Variants in MIS18BP1 observed in about 807,000 individuals in gnomAD.
The protein encoded by MIS18BP1 is mis18-binding protein 1.
In MIS18BP1, 72 loss-of-function variants were observed where a neutral mutation model predicts 116.1. The ratio of observed to expected loss-of-function variants is 0.62; its 90% CI spans 0.51 to 0.75. The LOEUF (loss-of-function observed/expected upper bound fraction) is 0.75, where lower values mean the gene tolerates loss of function less well. Among genes scored for constraint, MIS18BP1 ranks in the 30% least tolerant of loss-of-function variants. The pLI is 0.00. For missense variants in MIS18BP1, 1,363 were observed against 1,303.2 expected (o/e 1.05, Z -0.71); for synonymous variants, 386 against 427.0 (o/e 0.90, Z 1.18).
chr14:45,249,822 G>A (rs1325649256), intron 1 of MIS18BP1, among the ~76,000 whole-genome samples: 2 of 152,158 alleles, frequency 1.3e-5, no homozygotes, highest in Non-Finnish European at 2.9e-5. Flanking sequence ...AGTGAGCTGA[G>A]ATCGCACCAC....
intron 11 of MIS18BP1, among the ~76,000 whole-genome samples, chr14:45,219,556 TTAAA>T (rs1890916517): frequency 6.6e-6 from 1 of 152,240 alleles, no homozygotes; most frequent in Admixed American, 6.5e-5. Flanking sequence ...TATCTTTGTT[TTAAA>T]TAATTTAAGT....
At chr14:45,239,066 C>G (rs904804296) in intron 4 of MIS18BP1, among the ~76,000 whole-genome samples, 1 of 152,132 alleles carries the variant, frequency 6.6e-6, no homozygotes, top group African/African-American at 2.4e-5. Context: ...ATCAACGCAC[C>G]AGTCAGATGG....
intron 11 of MIS18BP1, among the ~76,000 whole-genome samples, chr14:45,222,507 G>A (rs930213940): frequency 6.6e-6 from 1 of 152,016 alleles, no homozygotes; most frequent in African/African-American, 2.4e-5. Flanking sequence ...TCAACCTGGT[G>A]GTATCCCAAG....
chr14:45,236,062 A>C, intron 5 of MIS18BP1, 118 bp from the exon 6 acceptor site: 2 of 935,026 alleles, frequency 2.1e-6, no homozygotes, highest in Non-Finnish European at 1.6e-6. Context: ...TAATTACAAA[A>C]TATTTGAAGG....
intron 5 of MIS18BP1, among the ~76,000 whole-genome samples, chr14:45,236,913 G>GT (rs1482625786): frequency 6.6e-6 from 1 of 151,704 alleles, no homozygotes; most frequent in Non-Finnish European, 1.5e-5. Flanking sequence ...ATCTTTAATA[G>GT]TAAGGAAATG....
At chr14:45,227,632 T>C in intron 9 of MIS18BP1, 31 bp downstream of exon 9, 1 of 1,574,728 alleles carries the variant, frequency 6.4e-7, no homozygotes. Flanking sequence ...AAATATCAAC[T>C]TGAACTATAC....
intron 7 of MIS18BP1, chr14:45,232,434 A>G (rs1566814940): frequency 2.5e-5 from 6 of 243,356 alleles, no homozygotes. Context: ...AAAAAAAAAA[A>G]AAAACAACAA....
chr14:45,240,466 A>G (rs1266015690), intron 4 of MIS18BP1, among the ~76,000 whole-genome samples: 2 of 151,552 alleles, frequency 1.3e-5, no homozygotes, highest in Non-Finnish European at 2.9e-5. Context: ...CCCTACCTAC[A>G]CGCACTCTCT....
intron 14 of MIS18BP1, among the ~76,000 whole-genome samples, chr14:45,207,885 C>G (rs1890563085): frequency 6.6e-6 from 1 of 152,096 alleles, no homozygotes; most frequent in African/African-American, 2.4e-5. Flanking sequence ...AATATAGATT[C>G]ATAACATAAG....
intron 12 of MIS18BP1, 74 bp downstream of exon 12, chr14:45,218,201 TAAATATA>T: frequency 1.4e-6 from 2 of 1,382,764 alleles, no homozygotes; most frequent in Non-Finnish European, 2.0e-6. Flanking sequence ...TATTCATGGA[TAAATATA>T]AAATATATCT....
intron 2 of MIS18BP1, among the ~76,000 whole-genome samples, chr14:45,243,818 T>C (rs748222827): frequency 5.3e-5 from 8 of 152,174 alleles, no homozygotes; most frequent in African/African-American, 7.2e-5. Flanking sequence ...CAGGTTCATG[T>C]AGACTCTCTA....
In MIS18BP1 at chr14:45,247,044, T is replaced by C; in HGVS notation, c.243A>G (p.Thr81=). ...GAGAACTGTTAGAGGTAGTAGCCTC[T>C]GTTAGCATAGTTGATTGAAATATAT... ...NKNIFQSTML[T]EATTSNSSLD... is the part of the protein sequence containing the mutation. The change falls in exon 2 of 17, where the codon ACA becomes ACG. Residue 81 remains threonine (T), a synonymous_variant. Transcript: ENST00000310806. 1 of 1,613,498 alleles carries C rather than the reference T, an allele frequency of 6.2e-7. No individual in the cohort carries two copies. The highest frequency in any genetic ancestry group is 1.1e-5 in the South Asian group (1 of 91,010).
chr14:45,203,893 C>A lies in MIS18BP1; in HGVS notation c.*216G>T. ...ATTTTAATATGCAAAAACAAATTTACAGATATCTACACGAGCAAAAACAAT... is the reference window on the plus strand; with the variant it reads ...ATTTTAATATGCAAAAACAAATTTAAAGATATCTACACGAGCAAAAACAAT... On this transcript the variant is annotated 3_prime_UTR_variant, in exon 17 of 17. Transcript: ENST00000310806. 2 of 359,232 alleles carry A rather than the reference C, an allele frequency of 5.6e-6. No individual in the cohort carries two copies. Among genetic ancestry groups the A allele is most frequent in the Non-Finnish European group, 9.2e-6 (2 of 218,468 alleles). 22.3% of individuals were successfully genotyped at this position (359,232 alleles called of 1,614,324 possible). A position where few individuals can be genotyped will look rare whatever the true frequency, so the allele number is the denominator to read the frequency against.
intron 7 of MIS18BP1, among the ~76,000 whole-genome samples, chr14:45,232,084 T>C (rs1242914489): frequency 3.9e-5 from 6 of 152,212 alleles, no homozygotes; most frequent in Non-Finnish European, 8.8e-5. Flanking sequence ...TAAAATGTTA[T>C]TGCTTCTGAA....
chr14:45,206,597 G>A (rs549356989), intron 14 of MIS18BP1, among the ~76,000 whole-genome samples: 3 of 152,240 alleles, frequency 2.0e-5, no homozygotes, highest in East Asian at 3.9e-4. Flanking sequence ...GACCTCAAAC[G>A]TATTTCCATC....
Position 45,224,508 on chromosome 14 carries a change from G to C in MIS18BP1, c.2079C>G (p.Ser693Arg), listed in dbSNP as rs1425317910. Residue 693 changes from serine (S) to arginine (R), a missense_variant, in exon 11 of 17, where the codon AGC (serine) becomes AGG (arginine). Transcript: ENST00000310806. ...TATTTTCTAAAGTCCCCATGGACTTGCTGATGGGACTTTTTTTTTGACACT... is the reference window on the plus strand; with the variant it reads ...TATTTTCTAAAGTCCCCATGGACTTCCTGATGGGACTTTTTTTTTGACACT... ...IPECQKKSPI[S>R]KSMGTLENTF... 2.5e-6 allele frequency: 4 copies of C among 1,611,528 alleles called. No individual in the cohort carries two copies. Among genetic ancestry groups the C allele is most frequent in the African/African-American group, 1.3e-5 (1 of 74,806 alleles).
intron 8 of MIS18BP1, among the ~76,000 whole-genome samples, chr14:45,229,373 G>A (rs73350257): frequency 0.041 from 6,170 of 151,870 alleles, 429 homozygotes; most frequent in African/African-American, 0.14. Flanking sequence ...GTGCAGTACT[G>A]TATGCCTGTA....
Position 45,242,488 on chromosome 14 carries a change from T to A in MIS18BP1, c.689A>T (p.Asn230Ile), listed in dbSNP as rs546009721. 1 of 1,595,104 alleles carries A rather than the reference T, an allele frequency of 6.3e-7. No individual in the cohort carries two copies. Among genetic ancestry groups the A allele is most frequent in the Non-Finnish European group, 8.5e-7 (1 of 1,174,586 alleles). Residue 230 changes from asparagine to isoleucine, a missense_variant, in exon 4 of 17, where the codon AAT becomes ATT. Asn to Ile is a moderately radical substitution (Grantham distance 149). Coordinates refer to ENST00000310806, the MANE Select transcript of MIS18BP1 (RefSeq NM_018353.5). ...ELPTLNQEQE[N>I]FLAVEARNKT... ...GTTTCGGGCTTCTACAGCCAAAAAA[T>A]TTTCCTGTTCTTGGTTCAGAGTTGG... is the stretch of plus-strand genomic sequence containing the variant.
Position 45,242,466 on chromosome 14 carries a change from T to C in MIS18BP1, c.711A>G (p.Arg237=). 7 of 1,608,490 alleles carry C rather than the reference T, an allele frequency of 4.4e-6. No homozygotes were observed. Among genetic ancestry groups the C allele is most frequent in the Non-Finnish European group, 5.9e-6 (7 of 1,178,600 alleles). The change falls in exon 4 of 17, where the codon CGA becomes CGG. Residue 237 remains arginine, a synonymous_variant. Coordinates refer to ENST00000310806, the MANE Select transcript of MIS18BP1 (RefSeq NM_018353.5). ...EQENFLAVEA[R]NKTLTRAQLA... ...ACTGAGCTCTAGTTAATGTCTTGTT[T>C]CGGGCTTCTACAGCCAAAAAATTTT...
Sources: gnomAD v4.1 joint callset for allele counts (sites outside exome capture counted in the v4.1 genomes callset) on GRCh38, gnomAD v4.1.1 for gene constraint, MANE v1.5 for transcripts, NCBI Gene and HGNC (gene_info 2026-07-23, HGNC 2026-07-21) for gene names.